The following HAO2 variants were observed in gnomAD, a reference collection of about 807,000 sequenced individuals.
HAO2 encodes 2-Hydroxyacid oxidase 2.
A neutral mutation model predicts 37.4 loss-of-function variants in HAO2; 42 were observed. The observed-to-expected ratio is 1.12, with a 90% confidence interval of 0.88 to 1.45. HAO2 has a LOEUF of 1.45. Among genes scored for constraint, HAO2 ranks in the 40% most tolerant of loss-of-function variants. The probability of loss-of-function intolerance (pLI) is 0.00; values close to 1 mark genes in which losing one functional copy is unlikely to be tolerated. For missense variants in HAO2, 476 were observed against 430.2 expected, an observed-to-expected ratio of 1.11 and a Z score of -0.94; for synonymous variants, 180 against 162.8, an observed-to-expected ratio of 1.11 and a Z score of -0.81.
intron 5 of HAO2, among the ~76,000 whole-genome samples, chr1:119,391,548 C>CAA (rs1650903418): frequency 6.6e-6 from 1 of 152,128 alleles, no homozygotes; most frequent in African/African-American, 2.4e-5. Flanking sequence ...GTACTTTAGT[C>CAA]CTATCTCATT....
At chr1:119,378,069 A>G (rs1649623466) in intron 1 of HAO2, among the ~76,000 whole-genome samples, 2 of 152,222 alleles carry the variant, frequency 1.3e-5, no homozygotes, top group Non-Finnish European at 2.9e-5. Flanking sequence ...GCATAATTGT[A>G]TTTTTAAACC....
chr1:119,379,212 T>C (rs1165862424), intron 1 of HAO2, among the ~76,000 whole-genome samples: 2 of 152,086 alleles, frequency 1.3e-5, no homozygotes, highest in African/African-American at 4.8e-5. Flanking sequence ...ATGCCCAGAG[T>C]TTCATGTTGG....
In HAO2 at chr1:119,383,044, T is replaced by G; in HGVS notation, c.261T>G (p.Asp87Glu). ...PTGFHCLVWP[D>E]GEMSTARAAQ... Reference sequence around the variant, plus strand: ...GGTTCCACTGCCTTGTCTGGCCTGATGGGGAAATGAGCACAGCAAGAGGTA... The same window carrying G: ...GGTTCCACTGCCTTGTCTGGCCTGAGGGGGAAATGAGCACAGCAAGAGGTA... Residue 87 changes from aspartate (D) to glutamate (E), a missense_variant, in exon 3 of 8, where the codon GAT becomes GAG. Coordinates refer to ENST00000325945, the MANE Select transcript of HAO2 (RefSeq NM_016527.4). The G allele has an allele frequency of 1.2e-6, 2 of 1,612,984 alleles. No homozygotes were observed. The highest frequency in any genetic ancestry group is 1.7e-6 in the Non-Finnish European group (2 of 1,179,474).
At chr1:119,369,133 C>T (rs1648749295) in intron 1 of HAO2, 1 of 152,086 alleles carries the variant, frequency 6.6e-6, no homozygotes, top group African/African-American at 2.4e-5. Flanking sequence ...GAAGTTGAGT[C>T]TTAGAATTGT....
intron 5 of HAO2, among the ~76,000 whole-genome samples, chr1:119,391,313 C>T (rs587644284): frequency 6.6e-5 from 10 of 152,188 alleles, no homozygotes; most frequent in South Asian, 2.1e-4. Flanking sequence ...AAGGATCTTC[C>T]GCCTTGATCC....
chr1:119,381,044 TG>T (rs1217777700), intron 1 of HAO2, 33 bp from the exon 2 acceptor site: 1 of 1,601,898 alleles, frequency 6.2e-7, no homozygotes, highest in East Asian at 2.2e-5. Context: ...GTGTTCTCAC[TG>T]GGTTTGGTTT....
chr1:119,368,902 G>A lies in HAO2; in HGVS notation c.-9G>A, dbSNP rs1420475407. On this transcript the variant is annotated splice_region_variant and 5_prime_UTR_variant, in exon 1 of 8. Coordinates refer to ENST00000325945, the MANE Select transcript of HAO2 (RefSeq NM_016527.4). ...TGAGGACTGGAAGACATTAGAATAAGGTTTGTCATTGAGTGTGTTCTGTGT... is the reference window on the plus strand; with the variant it reads ...TGAGGACTGGAAGACATTAGAATAAAGTTTGTCATTGAGTGTGTTCTGTGT... 1 of 152,214 alleles carries A rather than the reference G, an allele frequency of 6.6e-6. No homozygotes were observed. Among genetic ancestry groups the A allele is most frequent in the East Asian group, 1.9e-4 (1 of 5,188 alleles). 9.4% of individuals were successfully genotyped at this position (152,214 alleles called of 1,614,324 possible).
At chr1:119,382,821 C>T in intron 2 of HAO2, 94 bp from the exon 3 acceptor site, 2 of 1,197,448 alleles carry the variant, frequency 1.7e-6, no homozygotes, top group Non-Finnish European at 1.2e-6. Flanking sequence ...CTGGTTTAGA[C>T]TTGTATCAGG....
intron 1 of HAO2, among the ~76,000 whole-genome samples, chr1:119,375,217 A>G (rs1649350870): frequency 6.6e-6 from 1 of 152,336 alleles, no homozygotes; most frequent in East Asian, 1.9e-4. Flanking sequence ...CAAGAAAACC[A>G]TTAGATTACT....
chr1:119,375,678 A>T (rs1649397380), intron 1 of HAO2, among the ~76,000 whole-genome samples: 2 of 152,152 alleles, frequency 1.3e-5, no homozygotes. Context: ...TAAAGAAAAA[A>T]AGGTTTAATG....
intron 4 of HAO2, 103 bp downstream of exon 4, chr1:119,385,156 A>G (rs1650282244): frequency 6.7e-7 from 1 of 1,491,026 alleles, no homozygotes. Flanking sequence ...CATTTATCGA[A>G]CACCTGCTCT....
chr1:119,382,786 C>T lies in HAO2; in HGVS notation c.132-129C>T, dbSNP rs587751795. 80 of 788,628 alleles carry T rather than the reference C, an allele frequency of 1.0e-4. 3 individuals carry two copies. In the South Asian group the frequency reaches 1.4e-3, roughly 13 times the overall value. 48.9% of individuals were successfully genotyped at this position (788,628 alleles called of 1,614,324 possible). ...TTACTCAGCTCTCAGCCAACTGAACCCACCAAGGTTCCACAGGACCCTGTC... is the reference window on the plus strand; with the variant it reads ...TTACTCAGCTCTCAGCCAACTGAACTCACCAAGGTTCCACAGGACCCTGTC... On this transcript the variant is annotated intron_variant, in intron 2 of 7. Transcript: ENST00000325945.
At chr1:119,378,458 C>T (rs1007993378) in intron 1 of HAO2, among the ~76,000 whole-genome samples, 2 of 152,126 alleles carry the variant, frequency 1.3e-5, no homozygotes, top group African/African-American at 4.8e-5. Context: ...ATTTCTGAGG[C>T]CTCAGTCTCT....
At position 119,384,835 on chromosome 1, in the gene HAO2, G is replaced by C. The variant is rs780342651; in HGVS notation, c.343G>C (p.Asp115His). The stretch of plus-strand genomic sequence containing the variant: ...CACATTTGCCAGCTGTAGCCTTGAA[G>C]ACATTGTCATTGCAGCTCCCGAAGG... ...TSTFASCSLE[D>H]IVIAAPEGLR... Residue 115 changes from aspartate to histidine, a missense_variant, in exon 4 of 8, where the codon GAC becomes CAC. Transcript: ENST00000325945. The C allele has an allele frequency of 6.2e-7, 1 of 1,613,890 alleles. No homozygotes were observed.
intron 4 of HAO2, among the ~76,000 whole-genome samples, chr1:119,386,275 G>A (rs112675562): frequency 3.3e-5 from 5 of 152,188 alleles, no homozygotes; most frequent in East Asian, 1.9e-4. Context: ...ATGTGGTGGC[G>A]CCATCACTAC....
At chr1:119,386,453 G>A (rs587713426) in intron 4 of HAO2, among the ~76,000 whole-genome samples, 169 bp from the exon 5 acceptor site, 4 of 152,138 alleles carry the variant, frequency 2.6e-5, no homozygotes, top group Admixed American at 6.5e-5. Context: ...AGATCCTTCC[G>A]CCTCAGCCCC....
chr1:119,380,715 A>G, intron 1 of HAO2: 1 of 1,599,240 alleles, frequency 6.3e-7, no homozygotes, highest in Non-Finnish European at 8.6e-7. Flanking sequence ...ATGTGGAGTG[A>G]ATGTGAAGGC....
At chr1:119,377,425 T>C (rs1649557497) in intron 1 of HAO2, among the ~76,000 whole-genome samples, 2 of 152,202 alleles carry the variant, frequency 1.3e-5, no homozygotes, top group Admixed American at 1.3e-4. Context: ...CCATTCAAGA[T>C]GTCTCTAGGA....
In HAO2 at chr1:119,393,976, T is replaced by C; in HGVS notation, c.*136T>C. The C allele has an allele frequency of 6.6e-7, 1 of 1,526,308 alleles. No homozygotes were observed. The highest frequency in any genetic ancestry group is 8.9e-7 in the Non-Finnish European group (1 of 1,128,780). The allele number at this position is 1,526,308 out of a possible 1,614,324, so 94.5% of individuals were successfully genotyped here. ...TGGCCCATATTTCCCACATTTCTAA[T>C]ACCACCACCCCTGTGCTTCAGGCCC... On this transcript the variant is annotated 3_prime_UTR_variant, in exon 8 of 8. Transcript: ENST00000325945.
Sources: allele counts gnomAD v4.1 joint callset (sites outside exome capture counted in the v4.1 genomes callset), GRCh38; gene constraint gnomAD v4.1.1; transcripts MANE v1.5; gene names NCBI Gene and HGNC (gene_info 2026-07-23, HGNC 2026-07-21).